The following PRKG1 variants were observed in gnomAD, a reference collection of about 807,000 sequenced individuals.
The protein encoded by PRKG1 is cGMP-dependent protein kinase 1.
A neutral mutation model predicts 88.1 loss-of-function variants in PRKG1; 35 were observed. That is an observed-to-expected ratio of 0.40 (90% confidence interval 0.30 to 0.53). The LOEUF (loss-of-function observed/expected upper bound fraction) is 0.53. PRKG1 is among the 20% of genes least tolerant of loss of function. PRKG1 has a pLI of 0.59. For missense variants in PRKG1, 540 were observed against 839.8 expected (o/e 0.64, Z 4.41); for synonymous variants, 303 against 292.5 (o/e 1.04, Z -0.37).
At chr10:51,832,468 T>C (rs1339480555) in intron 4 of PRKG1, among the ~76,000 whole-genome samples, 1 of 152,164 alleles carries the variant, frequency 6.6e-6, no homozygotes, top group East Asian at 1.9e-4. Flanking sequence ...AGAATATCAT[T>C]TGGGTATTTA....
chr10:51,352,953 A>G (rs1842285233), intron 2 of PRKG1, among the ~76,000 whole-genome samples: 1 of 152,130 alleles, frequency 6.6e-6, no homozygotes, highest in Non-Finnish European at 1.5e-5. Flanking sequence ...ACAGACACAA[A>G]GACCAACGGA....
chr10:51,623,198 G>A (rs991296722), intron 3 of PRKG1, among the ~76,000 whole-genome samples: 3 of 152,122 alleles, frequency 2.0e-5, no homozygotes, highest in African/African-American at 7.2e-5. Context: ...AGCAATTTCA[G>A]TTTTCTATTT....
intron 1 of PRKG1, among the ~76,000 whole-genome samples, chr10:51,030,661 T>G (rs1329954009): frequency 6.6e-6 from 1 of 152,184 alleles, no homozygotes; most frequent in Non-Finnish European, 1.5e-5. Context: ...GGATCCTTCA[T>G]GAATGGCTTG....
intron 3 of PRKG1, among the ~76,000 whole-genome samples, chr10:51,482,157 T>G (rs1840382594): frequency 6.6e-6 from 1 of 152,164 alleles, no homozygotes; most frequent in Non-Finnish European, 1.5e-5. Context: ...TACAAACTAC[T>G]CACCTCCACA....
chr10:51,161,189 C>A (rs1846351033), intron 2 of PRKG1, among the ~76,000 whole-genome samples: 1 of 151,156 alleles, frequency 6.6e-6, no homozygotes, highest in Admixed American at 6.6e-5. Context: ...CATTTAGTGA[C>A]AGATTTGATG....
intron 1 of PRKG1, among the ~76,000 whole-genome samples, chr10:51,126,854 C>A (rs954585987): frequency 2.0e-5 from 3 of 152,032 alleles, no homozygotes; most frequent in Admixed American, 6.6e-5. Flanking sequence ...CAAAACCAAG[C>A]AATGGGGAAG....
chr10:52,136,121 A>C (rs1371134406), intron 8 of PRKG1, among the ~76,000 whole-genome samples: 1 of 152,100 alleles, frequency 6.6e-6, no homozygotes, highest in Admixed American at 6.6e-5. Flanking sequence ...TTTTATTAAA[A>C]TGTTAAGAAT....
chr10:51,186,384 T>C (rs1837487779), intron 2 of PRKG1, among the ~76,000 whole-genome samples: 1 of 152,094 alleles, frequency 6.6e-6, no homozygotes, highest in South Asian at 2.1e-4. Context: ...AACTTCTATG[T>C]TCTCTTTGGT....
chr10:52,069,588 T>C (rs1438261566), intron 7 of PRKG1, among the ~76,000 whole-genome samples: 1 of 152,172 alleles, frequency 6.6e-6, no homozygotes, highest in Non-Finnish European at 1.5e-5. Context: ...AAGTACTGGA[T>C]ATGGATTTTA....
chr10:51,635,675 C>T (rs1050059024), intron 3 of PRKG1, among the ~76,000 whole-genome samples: 1 of 152,108 alleles, frequency 6.6e-6, no homozygotes, highest in Non-Finnish European at 1.5e-5. Context: ...ATGTGAATTG[C>T]TTTAACACAT....
intron 3 of PRKG1, among the ~76,000 whole-genome samples, chr10:51,508,651 T>C (rs1035431087): frequency 3.3e-5 from 5 of 152,172 alleles, no homozygotes; most frequent in Admixed American, 1.3e-4. Flanking sequence ...AATAGATCTT[T>C]CTCAAATGAC....
intron 1 of PRKG1, among the ~76,000 whole-genome samples, chr10:51,150,228 C>T (rs191945709): frequency 2.7e-4 from 41 of 152,088 alleles, no homozygotes; most frequent in Admixed American, 8.5e-4. Flanking sequence ...TCGGCTTTCC[C>T]CAACTCCCAT....
chr10:52,026,544 A>G (rs1483282013), intron 5 of PRKG1, among the ~76,000 whole-genome samples: 1 of 152,192 alleles, frequency 6.6e-6, no homozygotes, highest in Non-Finnish European at 1.5e-5. Context: ...TTGTTGCCCA[A>G]AACTGAGGAA....
intron 3 of PRKG1, among the ~76,000 whole-genome samples, chr10:51,544,836 GA>G (rs1008793509): frequency 6.6e-6 from 1 of 151,858 alleles, no homozygotes; most frequent in African/African-American, 2.4e-5. Flanking sequence ...AAATTTACAA[GA>G]AAAAAATCAA....
At chr10:51,968,820 C>CAAAAAAAAAAAA (rs56810665) in intron 5 of PRKG1, among the ~76,000 whole-genome samples, 1 of 105,458 alleles carries the variant, frequency 9.5e-6, no homozygotes, top group Non-Finnish European at 2.2e-5. Flanking sequence ...AAAACTCCAT[C>CAAAAAAAAAAAA]AAAAAAAAAA....
intron 3 of PRKG1, among the ~76,000 whole-genome samples, chr10:51,476,189 G>C (rs1840188430): frequency 6.6e-6 from 1 of 152,012 alleles, no homozygotes; most frequent in African/African-American, 2.4e-5. Context: ...AAGGAAATGG[G>C]AAGTTCCTTG....
intron 2 of PRKG1, among the ~76,000 whole-genome samples, chr10:51,201,859 T>G (rs1837920733): frequency 6.6e-6 from 1 of 152,250 alleles, no homozygotes; most frequent in South Asian, 2.1e-4. Flanking sequence ...CTGTTGTGTA[T>G]AAGCTATCCA....
intron 2 of PRKG1, among the ~76,000 whole-genome samples, chr10:51,341,714 A>G (rs1297221704): frequency 6.6e-6 from 1 of 152,190 alleles, no homozygotes; most frequent in Non-Finnish European, 1.5e-5. Context: ...AAGTATCTGT[A>G]TTAGTTGGCT....
intron 5 of PRKG1, among the ~76,000 whole-genome samples, chr10:52,032,101 C>T (rs948246396): frequency 2.6e-5 from 4 of 152,138 alleles, no homozygotes; most frequent in African/African-American, 9.7e-5. Flanking sequence ...AGGATTGCAG[C>T]AGTGTTTTGG....
Sources: gnomAD v4.1 joint callset for allele counts (sites outside exome capture counted in the v4.1 genomes callset) on GRCh38, gnomAD v4.1.1 for gene constraint, MANE v1.5 for transcripts, NCBI Gene and HGNC (gene_info 2026-07-23, HGNC 2026-07-21) for gene names.